The following MACF1 variants were observed in gnomAD, a reference collection of about 807,000 sequenced individuals.
The protein encoded by MACF1 is microtubule actin crosslinking factor 1, also known as microtubule-actin cross-linking factor 1.
Under a neutral mutation model 854.8 loss-of-function variants are expected in MACF1, and 193 were observed. The ratio of observed to expected loss-of-function variants is 0.23; its 90% CI spans 0.20 to 0.25. The LOEUF is 0.25. Among genes scored for constraint, MACF1 ranks in the 10% least tolerant of loss-of-function variants. The pLI is 1.00. For synonymous variants in MACF1, 3,185 were observed against 3,226.7 expected (o/e 0.99, Z 0.44); for missense variants, 7,722 against 8,929.1 (o/e 0.86, Z 5.45).
At position 39,332,592 on chromosome 1, in the gene MACF1, C is replaced by G. The variant is rs376142413; in HGVS notation, c.6004C>G (p.Pro2002Ala). 6.2e-7 allele frequency: 1 copy of G among 1,614,078 alleles called. No individual in the cohort carries two copies. The highest frequency in any genetic ancestry group is 8.5e-7 in the Non-Finnish European group (1 of 1,180,024). The change falls in exon 37 of 101, where the codon CCT (proline) becomes GCT (alanine). Residue 2002 changes from proline (P) to alanine (A), a missense_variant. Around this residue, in one of 15 missense-constraint regions of MACF1, gnomAD observed 1,531 missense variants for 1,601.6 expected, o/e 0.96. Transcript: ENST00000564288. Reference sequence around the variant, plus strand: ...ATCCAGAGATGAGTATCAAACAAGTCCTCCAAAAGTGGTTGAAATTGGGCA... The same window carrying G: ...ATCCAGAGATGAGTATCAAACAAGTGCTCCAAAAGTGGTTGAAATTGGGCA... ...LTSRDEYQTS[P>A]PKVVEIGHQR...
intron 25 of MACF1, 112 bp downstream of exon 25, chr1:39,310,540 G>C: frequency 8.7e-7 from 1 of 1,144,364 alleles, no homozygotes; most frequent in Non-Finnish European, 1.2e-6. Flanking sequence ...TTTTCCATTT[G>C]AGTAGCTACG....
At position 39,333,585 on chromosome 1, in the gene MACF1, C is replaced by T. The variant is rs1646763793; in HGVS notation, c.6997C>T (p.Gln2333Ter). Reference protein sequence around the residue: ...VKLMEKLNMFQGFFDSQTCES... With the variant: ...VKLMEKLNMF The stretch of plus-strand genomic sequence containing the variant: ...GCTTATGGAGAAGCTGAACATGTTT[C>T]AGGGGTTCTTTGACTCTCAGACTTG... The change falls in exon 37 of 101, where the codon CAG (glutamine) becomes TAG (stop). Residue 2333 changes from glutamine to a stop codon, truncating the protein, a stop_gained. Transcript: ENST00000564288. LOFTEE classifies it high-confidence loss of function. 1.1e-5 allele frequency: 18 copies of T among 1,614,190 alleles called. No individual in the cohort carries two copies. Among genetic ancestry groups the T allele is most frequent in the Non-Finnish European group, 1.5e-5 (18 of 1,180,022 alleles).
chr1:39,146,449 C>CA (rs775912882), intron 2 of MACF1, among the ~76,000 whole-genome samples: 2,375 of 92,810 alleles, frequency 0.026, 62 homozygotes, highest in African/African-American at 0.063. Context: ...TCTCCTCTCC[C>CA]AAAAAAAAAA....
chr1:39,354,003 T>C (rs915583737), intron 44 of MACF1, among the ~76,000 whole-genome samples: 2 of 152,220 alleles, frequency 1.3e-5, no homozygotes, highest in African/African-American at 4.8e-5. Flanking sequence ...GGAATCTTTC[T>C]AAAATGCCAT....
intron 1 of MACF1, among the ~76,000 whole-genome samples, chr1:39,210,741 A>T (rs1457429761): frequency 1.3e-5 from 2 of 152,148 alleles, no homozygotes; most frequent in South Asian, 4.1e-4. Context: ...CTTGGAAGTC[A>T]TATGGAATTG....
At chr1:39,337,562 A>T (rs975255508) in intron 38 of MACF1, among the ~76,000 whole-genome samples, 85 of 100,144 alleles carry the variant, frequency 8.5e-4, no homozygotes, top group Admixed American at 1.7e-3. Context: ...AATTACTACC[A>T]TTTTTTTTTT....
At chr1:39,408,770 C>A (rs2148607204) in intron 58 of MACF1, among the ~76,000 whole-genome samples, 1 of 152,180 alleles carries the variant, frequency 6.6e-6, no homozygotes, top group African/African-American at 2.4e-5. Flanking sequence ...GGGCGTTCCC[C>A]TCTGGCCCCG....
chr1:39,459,177 C>G lies in MACF1; in HGVS notation c.21288C>G (p.Arg7096=). ...CACGGATCAACCAGCTTTCTGCCCG[C>G]TGGCAGCAGGTGTGGCTGTTAGCAC... ...KNPRINQLSA[R]WQQVWLLALE... The change falls in exon 91 of 101, where the codon CGC becomes CGG. Residue 7096 remains arginine (R), a synonymous_variant. Transcript: ENST00000564288. The G allele has an allele frequency of 6.2e-7, 1 of 1,614,190 alleles. No homozygotes were observed. Among genetic ancestry groups the G allele is most frequent in the East Asian group, 2.2e-5 (1 of 44,884 alleles).
At chr1:39,360,052 T>TATATATACAC (rs1197982446) in intron 47 of MACF1, among the ~76,000 whole-genome samples, 1 of 49,882 alleles carries the variant, frequency 2.0e-5, no homozygotes, top group African/African-American at 7.3e-5. Context: ...TATATATATA[T>TATATATACAC]ACACACACAC....
chr1:39,346,710 G>C (rs187152491), intron 40 of MACF1, among the ~76,000 whole-genome samples: 1 of 151,946 alleles, frequency 6.6e-6, no homozygotes, highest in Non-Finnish European at 1.5e-5. Flanking sequence ...TAGTAGAGAC[G>C]GGGTTTCACC....
chr1:39,190,422 T>TTGTC (rs1644240921), intron 2 of MACF1, among the ~76,000 whole-genome samples: 2 of 111,670 alleles, frequency 1.8e-5, no homozygotes, highest in African/African-American at 3.3e-5. Flanking sequence ...TTTTTTTTGA[T>TTGTC]GGAATCTTGC....
At chr1:39,458,620 C>T (rs1644489855) in intron 90 of MACF1, 130 bp downstream of exon 90, 2 of 1,205,044 alleles carry the variant, frequency 1.7e-6, no homozygotes, top group Admixed American at 5.6e-5. Context: ...CAAAATCTCT[C>T]ATTTTTGAAA....
intron 74 of MACF1, among the ~76,000 whole-genome samples, chr1:39,441,615 C>T (rs1644119594): frequency 6.6e-6 from 1 of 152,168 alleles, no homozygotes; most frequent in African/African-American, 2.4e-5. Flanking sequence ...GCCAGAGGTT[C>T]CAAACCCAGG....
At chr1:39,264,198 G>T (rs539961620) in intron 6 of MACF1, among the ~76,000 whole-genome samples, 6 of 152,296 alleles carry the variant, frequency 3.9e-5, no homozygotes, top group African/African-American at 1.4e-4. Flanking sequence ...GAACATCTGT[G>T]TATATGCATC....
rs1202445481 is a variant in MACF1, at chr1:39,360,836, T to G, written c.12288T>G (p.Ala4096=). The change falls in exon 48 of 101, where the codon GCT becomes GCG. Residue 4096 remains alanine (A), a synonymous_variant. Coordinates refer to ENST00000564288, the MANE Select transcript of MACF1 (RefSeq NM_001394062.1). ...TCCAAAGCCTCTCCTATAGCCTGGCTGAGCGATCTTCTCTGCTGCAGAAAG... is the reference window on the plus strand; with the variant it reads ...TCCAAAGCCTCTCCTATAGCCTGGCGGAGCGATCTTCTCTGCTGCAGAAAG... ...SHFQSLSYSL[A]ERSSLLQKAI... is the part of the protein sequence containing the mutation. The G allele has an allele frequency of 6.2e-7, 1 of 1,614,180 alleles. No homozygotes were observed. The highest frequency in any genetic ancestry group is 1.7e-5 in the Admixed American group (1 of 60,016).
chr1:39,357,944 A>G, intron 45 of MACF1, 51 bp downstream of exon 45: 1 of 1,549,896 alleles, frequency 6.5e-7, no homozygotes, highest in Non-Finnish European at 8.7e-7. Flanking sequence ...GGCAGCCTTC[A>G]CACAATGTAG....
chr1:39,168,856 TGG>T (rs1334201895), intron 2 of MACF1, among the ~76,000 whole-genome samples: 1 of 152,186 alleles, frequency 6.6e-6, no homozygotes, highest in Non-Finnish European at 1.5e-5. Flanking sequence ...CTGAAACTCC[TGG>T]GCTCAAGTGA....
Position 39,105,141 on chromosome 1 carries a change from C to T in MACF1, c.220+20703C>T, listed in dbSNP as rs1298468037. On this transcript the variant is annotated intron_variant, in intron 2 of 93. Coordinates refer to the MACF1 transcript ENST00000361689. The surrounding 1 kb of genome is among the most constrained non-coding windows in gnomAD (Gnocchi z 5.9). ...GCGGGACTCCCGCGTGGGCCGGCCT[C>T]TCGCGCCCCTCGGCTCGGGCCCCAG... 6.6e-6 allele frequency among the ~76,000 whole-genome samples: 1 copy of T among 151,986 alleles called. No individual in the cohort carries two copies. Among genetic ancestry groups the T allele is most frequent in the South Asian group, 2.1e-4 (1 of 4,834 alleles).
intron 58 of MACF1, among the ~76,000 whole-genome samples, chr1:39,417,757 T>TTTTTTTTTTA (rs1643381983): frequency 7.8e-6 from 1 of 127,770 alleles, no homozygotes; most frequent in African/African-American, 3.3e-5. Flanking sequence ...TTTGGATTTT[T>TTTTTTTTTTA]AGTAGAGACA....
Sources: allele counts gnomAD v4.1 joint callset (sites outside exome capture counted in the v4.1 genomes callset), GRCh38; gene constraint gnomAD v4.1.1; regional missense constraint gnomAD v4.1.1; non-coding constraint Gnocchi (gnomAD v3.1); transcripts MANE v1.5; gene names NCBI Gene and HGNC (gene_info 2026-07-23, HGNC 2026-07-21).